VGLL3: variants seen among roughly 807,000 people sequenced by gnomAD.
VGLL3 encodes the protein transcription cofactor vestigial-like protein 3.
Under a neutral mutation model 29.2 loss-of-function variants are expected in VGLL3, and 18 were observed. That is an observed-to-expected ratio of 0.62 (90% CI 0.43 to 0.91). The LOEUF is 0.91. Ranked by LOEUF, VGLL3 falls within the 40% of genes least tolerant of loss-of-function variation. The pLI, the probability that VGLL3 is intolerant of heterozygous loss-of-function variation, is 0.00. For missense variants in VGLL3, 440 were observed against 413.2 expected, an observed-to-expected ratio of 1.06 and a Z score of -0.56; for synonymous variants, 180 against 151.8, an observed-to-expected ratio of 1.19 and a Z score of -1.36.
intron 2 of VGLL3, 39 bp from the exon 3 acceptor site, chr3:86,969,162 A>C (rs1378402908): frequency 6.6e-7 from 1 of 1,524,486 alleles, no homozygotes; most frequent in Non-Finnish European, 8.8e-7. Flanking sequence ...TTAACATAAG[A>C]CTCAGTTTTG....
intron 1 of VGLL3, among the ~76,000 whole-genome samples, chr3:86,988,190 T>A (rs1442814180): frequency 1.3e-5 from 2 of 152,164 alleles, no homozygotes; most frequent in Admixed American, 1.3e-4. Flanking sequence ...TTTAAATGGC[T>A]ATTAAAATTT....
At chr3:86,964,393 T>C (rs1371792348) in intron 3 of VGLL3, among the ~76,000 whole-genome samples, 2 of 152,224 alleles carry the variant, frequency 1.3e-5, no homozygotes, top group African/African-American at 2.4e-5. Flanking sequence ...CTACACATTA[T>C]ATGACGTTCA....
intron 3 of VGLL3, among the ~76,000 whole-genome samples, chr3:86,958,457 CAT>C (rs1704771198): frequency 6.6e-6 from 1 of 152,168 alleles, no homozygotes; most frequent in Non-Finnish European, 1.5e-5. Flanking sequence ...CATCCTAAAA[CAT>C]AACACCTTTA....
chr3:86,958,065 T>C (rs780255544), intron 3 of VGLL3, among the ~76,000 whole-genome samples: 3 of 152,184 alleles, frequency 2.0e-5, no homozygotes, highest in Admixed American at 6.5e-5. Flanking sequence ...AAAAGACATA[T>C]ATGTGCTTTT....
intron 2 of VGLL3, among the ~76,000 whole-genome samples, chr3:86,970,481 ACG>A (rs1330086153): frequency 2.1e-4 from 25 of 118,452 alleles, no homozygotes; most frequent in Admixed American, 4.6e-4. Flanking sequence ...TATTACACAC[ACG>A]CACACACACA....
rs921208697 is a variant in VGLL3, at chr3:86,969,666, C to A, written c.404-543G>T. On this transcript the variant is annotated intron_variant, in intron 2 of 3. Coordinates refer to ENST00000398399, the MANE Select transcript of VGLL3 (RefSeq NM_016206.4). ...CATTTTCCATTAAGAAGAGTGTATT[C>A]CAACCTCATTTTATTTATTTATTTA... Among the ~76,000 whole-genome samples the A allele has an allele frequency of 7.4e-5, 11 of 149,466 alleles. No individual in the cohort carries two copies. The East Asian group carries it at 2.1e-3, about 29-fold the overall frequency.
At position 86,943,733 on chromosome 3, in the gene VGLL3, C is replaced by G. The variant is rs1387037133; in HGVS notation, c.*3291G>C. The G allele has an allele frequency of 6.6e-6, 1 of 152,086 alleles. No homozygotes were observed. Among genetic ancestry groups the G allele is most frequent in the South Asian group, 2.1e-4 (1 of 4,824 alleles). The allele number at this position is 152,086 out of a possible 1,614,324, so 9.4% of individuals were successfully genotyped here. ...TTGATTTCTCAAAAGTTTAGAGGCT[C>G]TTTCAAATTAATAATGAGAGACAAA... is the stretch of plus-strand genomic sequence containing the variant. On this transcript the variant is annotated 3_prime_UTR_variant, in exon 4 of 4. Coordinates refer to ENST00000398399, the MANE Select transcript of VGLL3 (RefSeq NM_016206.4).
chr3:86,979,026 C>T (rs1445802114), intron 1 of VGLL3, among the ~76,000 whole-genome samples: 1 of 152,144 alleles, frequency 6.6e-6, no homozygotes, highest in African/African-American at 2.4e-5. Flanking sequence ...ATTTGGCAAA[C>T]GAACATAAAA....
At chr3:86,958,586 G>A (rs1258958232) in intron 3 of VGLL3, among the ~76,000 whole-genome samples, 1 of 152,100 alleles carries the variant, frequency 6.6e-6, no homozygotes, top group Admixed American at 6.6e-5. Context: ...GAAGCCCATG[G>A]GCATGATAGC....
chr3:86,986,927 T>G (rs1313075187), intron 1 of VGLL3, among the ~76,000 whole-genome samples: 1 of 152,070 alleles, frequency 6.6e-6, no homozygotes, highest in East Asian at 1.9e-4. Flanking sequence ...TTGGAAAGAA[T>G]CTCGCACTCC....
chr3:86,972,962 C>A (rs182311897), intron 2 of VGLL3, among the ~76,000 whole-genome samples: 3 of 151,860 alleles, frequency 2.0e-5, no homozygotes, highest in Non-Finnish European at 2.9e-5. Context: ...AAAAGCAAAC[C>A]CAGTAATCTC....
At chr3:86,986,873 G>A (rs945831156) in intron 1 of VGLL3, among the ~76,000 whole-genome samples, 9 of 151,938 alleles carry the variant, frequency 5.9e-5, no homozygotes, top group Non-Finnish European at 8.8e-5. Context: ...GCTTGCTAAC[G>A]GCCTTTGGAA....
At chr3:86,971,637 A>T (rs1448245065) in intron 2 of VGLL3, among the ~76,000 whole-genome samples, 2 of 152,220 alleles carry the variant, frequency 1.3e-5, no homozygotes, top group Non-Finnish European at 2.9e-5. Flanking sequence ...TCTTGAATTA[A>T]CAATCGTCTC....
intron 3 of VGLL3, among the ~76,000 whole-genome samples, chr3:86,954,783 A>G (rs1192346708): frequency 6.6e-6 from 1 of 152,176 alleles, no homozygotes; most frequent in Non-Finnish European, 1.5e-5. Context: ...GATATAAAGA[A>G]ACTTTGAAGC....
At chr3:86,951,922 T>C (rs935486733) in intron 3 of VGLL3, among the ~76,000 whole-genome samples, 2 of 152,120 alleles carry the variant, frequency 1.3e-5, no homozygotes, top group Non-Finnish European at 2.9e-5. Flanking sequence ...AAATAGGCCA[T>C]GTTGAGTAGG....
intron 3 of VGLL3, among the ~76,000 whole-genome samples, chr3:86,948,476 CA>C (rs1704548746): frequency 6.6e-6 from 1 of 152,058 alleles, no homozygotes; most frequent in African/African-American, 2.4e-5. Flanking sequence ...AGGCAATCTA[CA>C]AAACGGACTA....
intron 1 of VGLL3, 42 bp downstream of exon 1, chr3:86,990,576 C>T (rs1351003535): frequency 2.3e-6 from 3 of 1,315,230 alleles, no homozygotes; most frequent in African/African-American, 3.0e-5. Context: ...TCTCGATGCC[C>T]TTCGCCCCCG....
At chr3:86,986,499 C>T (rs1012183839) in intron 1 of VGLL3, among the ~76,000 whole-genome samples, 1 of 152,098 alleles carries the variant, frequency 6.6e-6, no homozygotes, top group Non-Finnish European at 1.5e-5. Context: ...CTTTAAGTCT[C>T]GAAGTCTCTA....
rs1704370778 is a variant in VGLL3 at position 86,940,450 on chromosome 3, TTCCTTGCTGTA to T, written c.*6563_*6573del. On this transcript the variant is annotated 3_prime_UTR_variant, in exon 4 of 4. Coordinates refer to ENST00000398399, the MANE Select transcript of VGLL3 (RefSeq NM_016206.4). Reference sequence around the variant, plus strand: ...TTATAAACATGTATTTTATAATCTATTCCTTGCTGTAACATATAGACTTCTTGGCCCTAGAA... The same window carrying T: ...TTATAAACATGTATTTTATAATCTATACATATAGACTTCTTGGCCCTAGAA... 1.3e-5 allele frequency: 2 copies of T among 152,634 alleles called. No homozygotes were observed. Among genetic ancestry groups the T allele is most frequent in the African/African-American group, 2.4e-5 (1 of 41,472 alleles). The allele number at this position is 152,634 out of a possible 1,614,324, so 9.5% of individuals were successfully genotyped here.
Sources: allele counts gnomAD v4.1 joint callset (sites outside exome capture counted in the v4.1 genomes callset), GRCh38; gene constraint gnomAD v4.1.1; transcripts MANE v1.5; gene names NCBI Gene and HGNC (gene_info 2026-07-23, HGNC 2026-07-21).